The following GBE1 variants were observed in gnomAD, a reference collection of about 807,000 sequenced individuals.
GBE1 encodes the protein 1,4-alpha-glucan-branching enzyme.
A neutral mutation model predicts 88.8 loss-of-function variants in GBE1; 70 were observed. The observed-to-expected ratio is 0.79, with a 90% confidence interval of 0.65 to 0.96. The LOEUF (loss-of-function observed/expected upper bound fraction) is 0.96, where lower values mean the gene tolerates loss of function less well. Ranked by LOEUF, GBE1 falls within the 40% of genes least tolerant of loss-of-function variation. The pLI, the probability that GBE1 is intolerant of heterozygous loss-of-function variation, is 0.00. For missense variants in GBE1, 872 were observed against 871.0 expected (o/e 1.00, Z -0.01); for synonymous variants, 284 against 300.1 (o/e 0.95, Z 0.56).
chr3:81,681,161 T>C lies in GBE1; in HGVS notation c.314-10208A>G, dbSNP rs551850013. ...AGGATAAAGCATGAAGGAGAAGAAA[T>C]TGTAAGAGAATTGTGAATGCCATAT... On this transcript the variant is annotated intron_variant, in intron 2 of 15. Transcript: ENST00000429644. 7.6e-4 allele frequency among the ~76,000 whole-genome samples: 116 copies of C among 152,228 alleles called. 2 individuals carry two copies. In the South Asian group the frequency reaches 0.022, roughly 29 times the overall value.
chr3:81,553,294 G>T lies in GBE1; in HGVS notation c.1619-16199C>A, dbSNP rs540492088. Among the ~76,000 whole-genome samples the T allele has an allele frequency of 8.3e-4, 125 of 151,420 alleles. 1 individual carries two copies. The highest frequency in any genetic ancestry group is 3.4e-3 in the Admixed American group (51 of 15,216). On this transcript the variant is annotated intron_variant, in intron 12 of 15. Coordinates refer to ENST00000429644, the MANE Select transcript of GBE1 (RefSeq NM_000158.4). The stretch of plus-strand genomic sequence containing the variant: ...TTTTTTTTTAAACTCCTGCAAAAAG[G>T]CTTGAGTGTTCTCCTGTGCTTCCAC...
At chr3:81,657,349 T>C (rs1433349047) in intron 3 of GBE1, among the ~76,000 whole-genome samples, 1 of 151,302 alleles carries the variant, frequency 6.6e-6, no homozygotes, top group Admixed American at 6.6e-5. Context: ...TAAACAGAGA[T>C]GAAACTATTT....
At chr3:81,590,597 A>C (rs1458988754) in intron 9 of GBE1, among the ~76,000 whole-genome samples, 1 of 152,126 alleles carries the variant, frequency 6.6e-6, no homozygotes, top group Non-Finnish European at 1.5e-5. Context: ...AACATAAACA[A>C]GAAAGGTAAT....
chr3:81,731,601 G>A (rs1016610754), intron 1 of GBE1, among the ~76,000 whole-genome samples: 1 of 152,116 alleles, frequency 6.6e-6, no homozygotes, highest in Admixed American at 6.6e-5. Context: ...AATGTTGGAG[G>A]AGGGGCCTGG....
intron 15 of GBE1, among the ~76,000 whole-genome samples, chr3:81,498,134 T>C (rs562159020): frequency 3.9e-5 from 6 of 152,310 alleles, no homozygotes; most frequent in Non-Finnish European, 8.8e-5. Context: ...ACTCACTCTT[T>C]GTAATCCCTG....
At chr3:81,575,553 A>G (rs78452316) in intron 12 of GBE1, among the ~76,000 whole-genome samples, 2,065 of 152,244 alleles carry the variant, frequency 0.014, 19 homozygotes, top group Non-Finnish European at 0.023. Context: ...TGCTATACAA[A>G]TGTATAGTTG....
rs531374654 is a variant in GBE1 at position 81,547,058 on chromosome 3, AC to A, written c.1619-9964del. On this transcript the variant is annotated intron_variant, in intron 12 of 15. Transcript: ENST00000429644. ...CCATGGAAGAAATGAAACTAAAGAG[AC>A]CCCCAACCCAAAGGAAAATCACCTG... 3.0e-4 allele frequency among the ~76,000 whole-genome samples: 46 copies of A among 151,220 alleles called. 4 individuals carry two copies. The highest frequency in any genetic ancestry group is 6.1e-4 in the Non-Finnish European group (41 of 67,486).
chr3:81,746,314 G>A (rs1427936048), intron 1 of GBE1, among the ~76,000 whole-genome samples: 1 of 152,158 alleles, frequency 6.6e-6, no homozygotes, highest in African/African-American at 2.4e-5. Context: ...CCCAGGGGGA[G>A]TGCAGTGGCA....
At chr3:81,735,001 T>A (rs1314908062) in intron 1 of GBE1, among the ~76,000 whole-genome samples, 1 of 152,192 alleles carries the variant, frequency 6.6e-6, no homozygotes, top group African/African-American at 2.4e-5. Flanking sequence ...ATCTGATGTA[T>A]CTACACTGTC....
intron 2 of GBE1, among the ~76,000 whole-genome samples, chr3:81,682,068 A>G (rs528594072): frequency 1.1e-4 from 17 of 152,376 alleles, no homozygotes; most frequent in African/African-American, 3.6e-4. Flanking sequence ...AAGAATATTT[A>G]ACAATTGAAT....
chr3:81,585,563 A>C (rs570277135), intron 10 of GBE1, among the ~76,000 whole-genome samples: 28 of 152,306 alleles, frequency 1.8e-4, no homozygotes, highest in Middle Eastern at 6.8e-3. Flanking sequence ...AGTTAATAAA[A>C]TTTTATTGAT....
rs1425084890 is a variant in GBE1, at chr3:81,750,617, GTA to G, written c.143+10756_143+10757del. 4.1e-3 allele frequency among the ~76,000 whole-genome samples: 174 copies of G among 42,144 alleles called. 15 individuals carry two copies. The highest frequency in any genetic ancestry group is 0.02 in the South Asian group (37 of 1,842). 27.6% of individuals were successfully genotyped at this position (42,144 alleles called of 152,430 possible). A position where few individuals can be genotyped will look rare whatever the true frequency, so the allele number is the denominator to read the frequency against. ...TATATATATGTGTATATATATATATGTATATATATATACGTATATATATATAT... is the reference window on the plus strand; with the variant it reads ...TATATATATGTGTATATATATATATGTATATATATACGTATATATATATAT... On this transcript the variant is annotated intron_variant, in intron 1 of 15. Transcript: ENST00000429644.
intron 1 of GBE1, among the ~76,000 whole-genome samples, chr3:81,731,170 G>T (rs1706179990): frequency 6.6e-6 from 1 of 152,062 alleles, no homozygotes. Context: ...CTGTATCACA[G>T]ACCTCTGGCC....
chr3:81,722,568 C>T (rs1040894718), intron 1 of GBE1, among the ~76,000 whole-genome samples: 5 of 151,534 alleles, frequency 3.3e-5, no homozygotes, highest in Non-Finnish European at 5.9e-5. Context: ...CATGTTTAAT[C>T]AAATTGTCTA....
chr3:81,691,879 A>G (rs959815746), intron 2 of GBE1, among the ~76,000 whole-genome samples: 4 of 151,704 alleles, frequency 2.6e-5, no homozygotes, highest in African/African-American at 4.9e-5. Flanking sequence ...AAGTAAACCA[A>G]TAAAAGAGAA....
intron 2 of GBE1, among the ~76,000 whole-genome samples, chr3:81,693,593 G>C (rs937929004): frequency 6.6e-6 from 1 of 152,140 alleles, no homozygotes; most frequent in Non-Finnish European, 1.5e-5. Context: ...ACTTAACACA[G>C]TATTTGGCAC....
intron 1 of GBE1, among the ~76,000 whole-genome samples, chr3:81,725,056 C>A (rs891481322): frequency 6.6e-6 from 1 of 152,160 alleles, no homozygotes. Context: ...TTAGTATGTA[C>A]ACTAAACTCT....
At chr3:81,695,030 C>T (rs1300774120) in intron 2 of GBE1, among the ~76,000 whole-genome samples, 2 of 152,140 alleles carry the variant, frequency 1.3e-5, no homozygotes, top group African/African-American at 4.8e-5. Context: ...TGTTCACTGC[C>T]CACTTGCAGA....
At chr3:81,553,187 C>A (rs1173183355) in intron 12 of GBE1, among the ~76,000 whole-genome samples, 1 of 152,088 alleles carries the variant, frequency 6.6e-6, no homozygotes, top group South Asian at 2.1e-4. Context: ...TTATTACTGA[C>A]CTCTGCTTTC....
Sources: allele counts gnomAD v4.1 joint callset (sites outside exome capture counted in the v4.1 genomes callset), GRCh38; gene constraint gnomAD v4.1.1; transcripts MANE v1.5; gene names NCBI Gene and HGNC (gene_info 2026-07-23, HGNC 2026-07-21).